DNAH12: variants seen among roughly 807,000 people sequenced by gnomAD.
The protein encoded by DNAH12 is dynein axonemal heavy chain 12, also known as axonemal beta dynein heavy chain 12.
A neutral mutation model predicts 371.5 loss-of-function variants in DNAH12; 285 were observed. That is an observed-to-expected ratio of 0.77 (90% CI 0.70 to 0.85). The LOEUF is 0.85. Ranked by LOEUF, DNAH12 falls within the 40% of genes least tolerant of loss-of-function variation. The probability of loss-of-function intolerance (pLI) is 0.00; values close to 1 mark genes in which losing one functional copy is unlikely to be tolerated. For missense variants in DNAH12, 3,611 were observed against 3,689.4 expected (o/e 0.98, Z 0.55); for synonymous variants, 1,200 against 1,213.0 (o/e 0.99, Z 0.22).
intron 32 of DNAH12, among the ~76,000 whole-genome samples, chr3:57,432,313 G>A (rs1440302710): frequency 2.7e-5 from 4 of 150,298 alleles, no homozygotes; most frequent in Non-Finnish European, 5.9e-5. Context: ...GGGATTACAG[G>A]CGCGCGCCAC....
At chr3:57,299,021 T>A (rs2061292125) in intron 70 of DNAH12, among the ~76,000 whole-genome samples, 1 of 152,280 alleles carries the variant, frequency 6.6e-6, no homozygotes, top group Middle Eastern at 3.4e-3. Flanking sequence ...AAGAAGCCAG[T>A]TTTGCTCCAT....
chr3:57,409,321 T>C (rs1484587202), intron 39 of DNAH12, among the ~76,000 whole-genome samples: 1 of 152,128 alleles, frequency 6.6e-6, no homozygotes, highest in East Asian at 1.9e-4. Context: ...ACTAAAAGCA[T>C]GCTAGAAAGT....
rs146567766 is a variant in DNAH12 at position 57,419,157 on chromosome 3, G to C, written c.5714+210C>G. On this transcript the variant is annotated intron_variant, in intron 37 of 73. Transcript: ENST00000495027. ...GTAAGGCAACTTATGAGGCAGCAAA[G>C]TATGATGGCAAGGGCTTTGGAGTGG... is the stretch of plus-strand genomic sequence containing the variant. Among the ~76,000 whole-genome samples, 623 of 152,338 alleles carry C rather than the reference G, an allele frequency of 4.1e-3. 7 individuals are homozygous for C. Among genetic ancestry groups the C allele is most frequent in the African/African-American group, 0.015 (607 of 41,576 alleles).
At position 57,301,785 on chromosome 3, in the gene DNAH12, G is replaced by A. The variant is rs533042711; in HGVS notation, c.11344C>T (p.Pro3782Ser). Residue 3782 changes from proline (P) to serine (S), a missense_variant, in exon 70 of 74, where the codon CCC (proline) becomes TCC (serine). Physicochemically the swap from Pro to Ser is moderately conservative, Grantham distance 74 (BLOSUM62 -1). Around this residue, in one of 3 missense-constraint regions of DNAH12, gnomAD observed 2,266 missense variants for 2,236.9 expected, o/e 1.01. Coordinates refer to ENST00000495027, the MANE Select transcript of DNAH12 (RefSeq NM_001366028.2). ...AAATCTGTGATGTAACTTCCCAGGG[G>A]CTTAAGGCTTGGGTATGAACGTTTG... ...WAKRSYPSLK[P>S]LGSYITDFLA... is the part of the protein sequence containing the mutation. The A allele has an allele frequency of 6.4e-7, 1 of 1,551,232 alleles. No homozygotes were observed. Among genetic ancestry groups the A allele is most frequent in the Admixed American group, 2.0e-5 (1 of 50,944 alleles).
chr3:57,471,688 A>C (rs1011987812), intron 14 of DNAH12, 82 bp from the exon 15 acceptor site: 81 of 1,210,132 alleles, frequency 6.7e-5, no homozygotes, highest in Non-Finnish European at 8.0e-5. Flanking sequence ...TGTGTATAAT[A>C]ATAAAAACCA....
intron 43 of DNAH12, among the ~76,000 whole-genome samples, chr3:57,401,232 G>A (rs1473092769): frequency 6.6e-6 from 1 of 151,920 alleles, no homozygotes; most frequent in Non-Finnish European, 1.5e-5. Context: ...TGAGAGGGAA[G>A]TTTGTAGCTG....
At chr3:57,462,087 A>G (rs911552275) in intron 18 of DNAH12, among the ~76,000 whole-genome samples, 2 of 152,206 alleles carry the variant, frequency 1.3e-5, no homozygotes, top group African/African-American at 2.4e-5. Flanking sequence ...CACATGCCAC[A>G]TATACAACAG....
rs765286346 is a variant in DNAH12 at position 57,502,380 on chromosome 3, G to A, written c.1186C>T (p.Leu396=). The change falls in exon 10 of 74, where the codon CTG becomes TTG. Residue 396 remains leucine, a synonymous_variant. Transcript: ENST00000495027. ...EHVLHWAVDT[L]KAAVHRNLEG... ...AAGTTCCGATGTACTGCTGCCTTCA[G>A]TGTATCAACAGCCCAGTGTAACACG... 4 of 1,614,190 alleles carry A rather than the reference G, an allele frequency of 2.5e-6. No individual in the cohort carries two copies. In the South Asian group the frequency reaches 4.4e-5, roughly 18 times the overall value.
chr3:57,295,169 ACT>A (rs2061207635), intron 73 of DNAH12, among the ~76,000 whole-genome samples: 1 of 152,142 alleles, frequency 6.6e-6, no homozygotes, highest in African/African-American at 2.4e-5. Context: ...CTAGCGGGAG[ACT>A]GTGTCAAGCT....
At chr3:57,330,391 G>A (rs369584888) in intron 62 of DNAH12, among the ~76,000 whole-genome samples, 3 of 151,942 alleles carry the variant, frequency 2.0e-5, no homozygotes, top group African/African-American at 7.3e-5. Flanking sequence ...CCATAAAAAA[G>A]GATGAGTTCA....
chr3:57,498,166 T>C (rs2153388505), intron 11 of DNAH12: 1 of 234,738 alleles, frequency 4.3e-6, no homozygotes, highest in East Asian at 8.8e-5. Flanking sequence ...ACTGATAATC[T>C]AGATGTGAAA....
At chr3:57,453,889 A>C (rs532469911) in intron 23 of DNAH12, among the ~76,000 whole-genome samples, 1 of 152,090 alleles carries the variant, frequency 6.6e-6, no homozygotes, top group East Asian at 1.9e-4. Context: ...TGGGAAGATC[A>C]TTTGAGGACA....
intron 38 of DNAH12, among the ~76,000 whole-genome samples, chr3:57,414,494 T>A (rs1319089676): frequency 6.6e-6 from 1 of 152,152 alleles, no homozygotes; most frequent in Non-Finnish European, 1.5e-5. Flanking sequence ...ACTCAGGTAA[T>A]AAGCATAGTA....
chr3:57,456,023 A>G (rs2065893479), intron 22 of DNAH12, among the ~76,000 whole-genome samples: 1 of 152,246 alleles, frequency 6.6e-6, no homozygotes. Flanking sequence ...AGAAAGTTAA[A>G]ATAGGATATC....
At chr3:57,323,871 A>T (rs1387592198) in intron 62 of DNAH12, among the ~76,000 whole-genome samples, 1 of 152,208 alleles carries the variant, frequency 6.6e-6, no homozygotes, top group Non-Finnish European at 1.5e-5. Context: ...GATCCTAAAC[A>T]TATGAGGGAT....
At chr3:57,520,403 T>G (rs2068376012) in intron 4 of DNAH12, among the ~76,000 whole-genome samples, 1 of 150,406 alleles carries the variant, frequency 6.6e-6, no homozygotes, top group Non-Finnish European at 1.5e-5. Flanking sequence ...TTTTACCCAT[T>G]TTCTTTTCCT....
At chr3:57,381,955 C>T (rs927461570) in intron 50 of DNAH12, among the ~76,000 whole-genome samples, 3 of 151,914 alleles carry the variant, frequency 2.0e-5, no homozygotes, top group Admixed American at 1.3e-4. Flanking sequence ...GTAACCTCTG[C>T]CTCCTGGGTT....
chr3:57,416,852 T>C (rs913493927), intron 37 of DNAH12, among the ~76,000 whole-genome samples: 1 of 152,208 alleles, frequency 6.6e-6, no homozygotes, highest in Non-Finnish European at 1.5e-5. Flanking sequence ...AGTAATCATA[T>C]GAGTTTATGT....
chr3:57,433,798 A>T lies in DNAH12; in HGVS notation c.4686T>A (p.Ala1562=). 6.5e-7 allele frequency: 1 copy of T among 1,547,838 alleles called. No individual in the cohort carries two copies. The highest frequency in any genetic ancestry group is 8.7e-7 in the Non-Finnish European group (1 of 1,145,962). ...GFMLVGEPFA[A]KTKVLHVLAD... ...CCAGCACATGCAGAACTTTTGTCTT[A>T]GCAGCAAAAGGCTCTCCTACTAACA... Residue 1562 remains alanine, a synonymous_variant, in exon 31 of 74, where the codon GCT becomes GCA. Coordinates refer to ENST00000495027, the MANE Select transcript of DNAH12 (RefSeq NM_001366028.2).
Sources: allele counts gnomAD v4.1 joint callset (sites outside exome capture counted in the v4.1 genomes callset), GRCh38; gene constraint gnomAD v4.1.1; regional missense constraint gnomAD v4.1.1; transcripts MANE v1.5; gene names NCBI Gene and HGNC (gene_info 2026-07-23, HGNC 2026-07-21).